Variants in OR2T10 observed in about 807,000 individuals in gnomAD.
OR2T10 encodes the protein olfactory receptor family 2 subfamily T member 10.
For missense variants in OR2T10, 335 were observed against 382.5 expected (o/e 0.88, Z 1.04); for synonymous variants, 125 against 141.8 (o/e 0.88, Z 0.84).
In OR2T10 at chr1:248,592,243, A is replaced by T. The variant is rs972225041; in HGVS notation, c.*587T>A. 3 of 144,000 alleles carry T rather than the reference A, an allele frequency of 2.1e-5. No homozygotes were observed. The highest frequency in any genetic ancestry group is 4.5e-5 in the Non-Finnish European group (3 of 66,442). 8.9% of individuals were successfully genotyped at this position (144,000 alleles called of 1,614,324 possible). A position where few individuals can be genotyped will look rare whatever the true frequency, so the allele number is the denominator to read the frequency against. On this transcript the variant is annotated 3_prime_UTR_variant, in exon 2 of 2. Transcript: ENST00000642090. ...GATGGAAGAAAAATCTCAACTGTAC[A>T]TTTAGCATCTCTGAGGTCTTGAATG...
At chr1:248,595,079 T>TA (rs1267434182) in intron 1 of OR2T10, 1 of 143,290 alleles carries the variant, frequency 7.0e-6, no homozygotes, top group East Asian at 2.0e-4. Flanking sequence ...AATCACCTTG[T>TA]AATAGGCTGT....
rs772222338 is a variant in OR2T10, at chr1:248,592,377, G to A, written c.*453C>T. The A allele has an allele frequency of 6.8e-6, 1 of 146,156 alleles. No homozygotes were observed. The highest frequency in any genetic ancestry group is 2.8e-5 in the African/African-American group (1 of 36,230). The allele number at this position is 146,156 out of a possible 1,614,324, so 9.1% of individuals were successfully genotyped here. ...AAGGCTGTTTTGTCATTTGTGAAAT[G>A]TGGGTGACCTTAGCCTCAGCCACAG... On this transcript the variant is annotated 3_prime_UTR_variant, in exon 2 of 2. Transcript: ENST00000642090.
rs199904833 is a variant in OR2T10 at position 248,593,444 on chromosome 1, C to A, written c.325G>T (p.Gly109Cys). ...GCGGCTAGAAGGCAGCACTCTGCAC[C>A]TCCCAACTGCAGGTAGAAGTACATC... ...TQMYFYLQLG[G>C]AECCLLAAMA... Residue 109 changes from glycine (G) to cysteine (C), a missense_variant, in exon 2 of 2, where the codon GGT (glycine) becomes TGT (cysteine). Transcript: ENST00000642090. The A allele has an allele frequency of 3.2e-6, 5 of 1,572,030 alleles. No individual in the cohort carries two copies. The highest frequency in any genetic ancestry group is 3.5e-6 in the Non-Finnish European group (4 of 1,156,362).
rs756913259 is a variant in OR2T10, at chr1:248,591,977, C to T, written c.*853G>A. ...AAATACAAATACAACCATGCACATA[C>T]GTAAAACTGTGATTTGAAATTATAT... On this transcript the variant is annotated 3_prime_UTR_variant, in exon 2 of 2. Coordinates refer to ENST00000642090, the MANE Select transcript of OR2T10 (RefSeq NM_001004693.2). 10 of 143,904 alleles carry T rather than the reference C, an allele frequency of 6.9e-5. 2 individuals carry two copies. The highest frequency in any genetic ancestry group is 2.7e-4 in the African/African-American group (10 of 36,670). 8.9% of individuals were successfully genotyped at this position (143,904 alleles called of 1,614,324 possible). A position where few individuals can be genotyped will look rare whatever the true frequency, so the allele number is the denominator to read the frequency against.
chr1:248,595,007 A>G (rs1455249714), intron 1 of OR2T10: 1 of 143,462 alleles, frequency 7.0e-6, no homozygotes, highest in Non-Finnish European at 1.5e-5. Flanking sequence ...TGAACAATCA[A>G]TTGAGATAAC....
Position 248,592,700 on chromosome 1 carries a change from G to A in OR2T10, c.*130C>T, listed in dbSNP as rs1415655102. The A allele has an allele frequency of 1.7e-6, 1 of 575,094 alleles. No individual in the cohort carries two copies. The highest frequency in any genetic ancestry group is 3.0e-6 in the Non-Finnish European group (1 of 329,896). The allele number at this position is 575,094 out of a possible 1,614,324, so 35.6% of individuals were successfully genotyped here. On this transcript the variant is annotated 3_prime_UTR_variant, in exon 2 of 2. Transcript: ENST00000642090. ...TGTGATTATAGGAGGGAAGAACACT[G>A]GGCTGAATCCCCCTGAAGGACAACT...
rs540336335 is a variant in OR2T10 at position 248,591,632 on chromosome 1, A to T, written c.*1198T>A. 2.1e-5 allele frequency: 3 copies of T among 144,302 alleles called. 1 individual carries two copies. The South Asian group carries it at 6.5e-4, about 31-fold the overall frequency. The allele number at this position is 144,302 out of a possible 1,614,324, so 8.9% of individuals were successfully genotyped here. On this transcript the variant is annotated 3_prime_UTR_variant, in exon 2 of 2. Coordinates refer to ENST00000642090, the MANE Select transcript of OR2T10 (RefSeq NM_001004693.2). ...GTATGGAAAGAACTATAGTGTTTCC[A>T]AGGTTGGAGTATGGCCCTCCCAGAG...
Position 248,593,667 on chromosome 1 carries a change from T to C in OR2T10, c.102A>G (p.Ile34Met), listed in dbSNP as rs144422306. 5.8e-6 allele frequency: 9 copies of C among 1,560,304 alleles called. 2 individuals carry two copies. The highest frequency in any genetic ancestry group is 7.8e-6 in the Non-Finnish European group (9 of 1,148,368). Residue 34 changes from isoleucine to methionine, a missense_variant, in exon 2 of 2, where the codon ATA becomes ATG. By Grantham distance (10) the Ile-to-Met change is conservative. Transcript: ENST00000642090. ...TATTCCAAGACACAGCCATCAAAAA[T>C]ATACTGAAGATAAGCAAGCAGAGGC... ...PGRLCLLIFSIFLMAVSWNIT... is the reference protein window; with the variant it reads ...PGRLCLLIFSMFLMAVSWNIT...
Position 248,597,577 on chromosome 1 carries a change from C to T in OR2T10, c.-114G>A, listed in dbSNP as rs1660110989. The T allele has an allele frequency of 7.0e-6, 1 of 143,372 alleles. No homozygotes were observed. The highest frequency in any genetic ancestry group is 1.5e-5 in the Non-Finnish European group (1 of 66,270). 8.9% of individuals were successfully genotyped at this position (143,372 alleles called of 1,614,324 possible). A position where few individuals can be genotyped will look rare whatever the true frequency, so the allele number is the denominator to read the frequency against. ...TATAGTCGTCCCGATGAATGACAGC[C>T]TTGTCATTTTCGTTGTGATCAATCT... On this transcript the variant is annotated 5_prime_UTR_variant, in exon 1 of 2. Transcript: ENST00000642090.
intron 1 of OR2T10, among the ~76,000 whole-genome samples, chr1:248,596,764 C>T (rs946123787): frequency 7.0e-6 from 1 of 143,262 alleles, no homozygotes; most frequent in African/African-American, 2.8e-5. Context: ...GTAACATCTG[C>T]ACTGTAGGAA....
In OR2T10 at chr1:248,595,118, G is replaced by A. The variant is rs116492899; in HGVS notation, c.-28-1322C>T. On this transcript the variant is annotated intron_variant, in intron 1 of 1. Coordinates refer to ENST00000642090, the MANE Select transcript of OR2T10 (RefSeq NM_001004693.2). Reference sequence around the variant, plus strand: ...ACTCTTCTTCTACCTGGCTATTTTGGGGGGTCAGTGGTGCTGGTCAGCCCT... The same window carrying A: ...ACTCTTCTTCTACCTGGCTATTTTGAGGGGTCAGTGGTGCTGGTCAGCCCT... 2 of 142,844 alleles carry A rather than the reference G, an allele frequency of 1.4e-5. 1 individual carries two copies. The highest frequency in any genetic ancestry group is 3.0e-5 in the Non-Finnish European group (2 of 66,174). The allele number at this position is 142,844 out of a possible 1,614,324, so 8.8% of individuals were successfully genotyped here.
intron 1 of OR2T10, 43 bp from the exon 2 acceptor site, chr1:248,593,839 C>A: frequency 1.3e-6 from 1 of 767,434 alleles, no homozygotes; most frequent in East Asian, 2.7e-5. Flanking sequence ...ATGTGTGTAC[C>A]ACGTAAAAGT....
chr1:248,593,700 G>C lies in OR2T10; in HGVS notation c.69C>G (p.His23Gln). ...AGATAAGCAAGCAGAGGCGGCCAGG[G>C]TGTGAGATCTGGCTGAAGATTCCCA... Reference protein sequence around the residue: ...FLLGIFSQISHPGRLCLLIFS... With the variant: ...FLLGIFSQISQPGRLCLLIFS... The change falls in exon 2 of 2, where the codon CAC becomes CAG. Residue 23 changes from histidine to glutamine, a missense_variant. Coordinates refer to ENST00000642090, the MANE Select transcript of OR2T10 (RefSeq NM_001004693.2). The C allele has an allele frequency of 6.4e-7, 1 of 1,564,574 alleles. No individual in the cohort carries two copies.
In OR2T10 at chr1:248,593,743, C is replaced by A; in HGVS notation, c.26G>T (p.Gly9Val). 6.4e-7 allele frequency: 1 copy of A among 1,561,470 alleles called. No individual in the cohort carries two copies. Among genetic ancestry groups the A allele is most frequent in the Non-Finnish European group, 8.7e-7 (1 of 1,148,950 alleles). Residue 9 changes from glycine to valine, a missense_variant, in exon 2 of 2, where the codon GGT (glycine) becomes GTT (valine). By Grantham distance (109) the Gly-to-Val change is moderately radical (BLOSUM62 -3). Coordinates refer to ENST00000642090, the MANE Select transcript of OR2T10 (RefSeq NM_001004693.2). Reference protein sequence around the residue: MRLANQTLGGDFFLLGIFS... With the variant: MRLANQTLVGDFFLLGIFS... ...GATTCCCAACAGGAAAAAGTCACCA[C>A]CCAGGGTCTGGTTGGCCAGCCGCAT...
In OR2T10 at chr1:248,592,809, C is replaced by A. The variant is rs756602729; in HGVS notation, c.*21G>T. The A allele has an allele frequency of 8.8e-6, 12 of 1,371,024 alleles. 1 individual carries two copies. The South Asian group carries it at 1.6e-4, about 18-fold the overall frequency. 84.9% of individuals were successfully genotyped at this position (1,371,024 alleles called of 1,614,324 possible). A position where few individuals can be genotyped will look rare whatever the true frequency, so the allele number is the denominator to read the frequency against. On this transcript the variant is annotated 3_prime_UTR_variant, in exon 2 of 2. Coordinates refer to ENST00000642090, the MANE Select transcript of OR2T10 (RefSeq NM_001004693.2). ...AAGAGAGACTCTAAGAAGAGAGGAC[C>A]AACTTAAGTTCTTTCACACTTTAAT...
In OR2T10 at chr1:248,593,120, A is replaced by G. The variant is rs765776577; in HGVS notation, c.649T>C (p.Ser217Pro). The change falls in exon 2 of 2, where the codon TCT (serine) becomes CCT (proline). Residue 217 changes from serine (S) to proline (P), a missense_variant. Physicochemically the swap from Ser to Pro is moderately conservative, Grantham distance 74. Coordinates refer to ENST00000642090, the MANE Select transcript of OR2T10 (RefSeq NM_001004693.2). The part of the protein sequence containing the change: ...LLIPVTVISV[S>P]YYYIILTIHK... ...ATGGTGAGGATGATATAGTAGTAAG[A>G]CACTGAAATGACCGTCACAGGTATC... is the stretch of plus-strand genomic sequence containing the variant. 6 of 1,573,274 alleles carry G rather than the reference A, an allele frequency of 3.8e-6. No homozygotes were observed. Among genetic ancestry groups the G allele is most frequent in the Non-Finnish European group, 5.2e-6 (6 of 1,156,982 alleles).
chr1:248,594,387 T>C (rs1400583282), intron 1 of OR2T10, among the ~76,000 whole-genome samples: 2 of 144,048 alleles, frequency 1.4e-5, no homozygotes, highest in African/African-American at 5.4e-5. Flanking sequence ...TCTTTAAATG[T>C]ATTAAAGACA....
At chr1:248,596,343 G>A (rs1439519049) in intron 1 of OR2T10, among the ~76,000 whole-genome samples, 1 of 143,006 alleles carries the variant, frequency 7.0e-6, no homozygotes, top group South Asian at 2.2e-4. Flanking sequence ...ATGTAAGGAG[G>A]CCCCTTCCCA....
intron 1 of OR2T10, among the ~76,000 whole-genome samples, chr1:248,594,485 A>G (rs1231007610): frequency 7.0e-6 from 1 of 143,686 alleles, no homozygotes; most frequent in Admixed American, 6.8e-5. Context: ...CACTTAACCT[A>G]TTACAAAGAC....
Sources: gnomAD v4.1 joint callset for allele counts (sites outside exome capture counted in the v4.1 genomes callset) on GRCh38, gnomAD v4.1.1 for gene constraint, MANE v1.5 for transcripts, NCBI Gene and HGNC (gene_info 2026-07-23, HGNC 2026-07-21) for gene names.